The following CRTC1 variants were observed in gnomAD, a reference collection of about 807,000 sequenced individuals.
CRTC1 encodes the protein CREB-regulated transcription coactivator 1.
Under a neutral mutation model 66.1 loss-of-function variants are expected in CRTC1, and 18 were observed. The ratio of observed to expected loss-of-function variants is 0.27; its 90% CI spans 0.19 to 0.40. The LOEUF (loss-of-function observed/expected upper bound fraction) is 0.40. Ranked by LOEUF, CRTC1 falls within the 10% of genes least tolerant of loss-of-function variation. The probability of loss-of-function intolerance (pLI) is 1.00; values close to 1 mark genes in which losing one functional copy is unlikely to be tolerated. For synonymous variants in CRTC1, 416 were observed against 398.8 expected (o/e 1.04, Z -0.51); for missense variants, 669 against 887.9 (o/e 0.75, Z 3.13).
In CRTC1 at chr19:18,745,918, C is replaced by T; in HGVS notation, c.339C>T (p.Ser113=). Residue 113 remains serine (S), a synonymous_variant, in exon 3 of 14, where the codon TCC becomes TCT. Transcript: ENST00000321949. ...ACCGGGAGCGTGGCCGGCTCGGCTC[C>T]CCACACCGCCGGCCCCTGTCAGTGG... is the stretch of plus-strand genomic sequence containing the variant. The part of the protein sequence containing the change: ...RVYRERGRLG[S]PHRRPLSVDK... The T allele has an allele frequency of 6.2e-7, 1 of 1,612,890 alleles. No homozygotes were observed. The highest frequency in any genetic ancestry group is 8.5e-7 in the Non-Finnish European group (1 of 1,179,652).
chr19:18,715,849 G>C (rs34439163), intron 1 of CRTC1, among the ~76,000 whole-genome samples: 19,552 of 152,216 alleles, frequency 0.13, 1,379 homozygotes, highest in Non-Finnish European at 0.15. Context: ...CCCTGCTCAG[G>C]GCTGCATCCT....
chr19:18,726,214 G>T (rs1210996407), intron 1 of CRTC1, among the ~76,000 whole-genome samples: 1 of 152,276 alleles, frequency 6.6e-6, no homozygotes, highest in East Asian at 1.9e-4. Flanking sequence ...GCACTCGGCG[G>T]ACGCTGCCAA....
At chr19:18,769,345 T>C (rs925541716) in intron 10 of CRTC1, among the ~76,000 whole-genome samples, 1 of 152,238 alleles carries the variant, frequency 6.6e-6, no homozygotes, top group Non-Finnish European at 1.5e-5. Context: ...CCTTCCTGAC[T>C]GTCCAGACCA....
Position 18,686,875 on chromosome 19 carries a change from C to G in CRTC1, c.126+3047C>G, listed in dbSNP as rs145378851. ...GATGTCTGGAGACATTTTGGGTCAT[C>G]ATGATTAGGGAGTGCTTCTAGCATC... On this transcript the variant is annotated intron_variant, in intron 1 of 13. Transcript: ENST00000321949. Among the ~76,000 whole-genome samples, 105 of 152,156 alleles carry G rather than the reference C, an allele frequency of 6.9e-4. 1 individual carries two copies. Among genetic ancestry groups the G allele is most frequent in the African/African-American group, 2.2e-3 (93 of 41,498 alleles).
intron 1 of CRTC1, among the ~76,000 whole-genome samples, chr19:18,706,181 T>A (rs12975435): frequency 8.8e-6 from 1 of 113,784 alleles, no homozygotes; most frequent in African/African-American, 3.3e-5. Context: ...ATTCCATTGG[T>A]CTTTTTTTTT....
At chr19:18,775,509 C>G in intron 12 of CRTC1, 132 bp from the exon 13 acceptor site, 1 of 810,042 alleles carries the variant, frequency 1.2e-6, no homozygotes, top group Non-Finnish European at 1.9e-6. Context: ...GCTTGGCAGC[C>G]TGGGTGCCGA....
chr19:18,756,001 G>A (rs1182683359), intron 6 of CRTC1, among the ~76,000 whole-genome samples: 1 of 152,044 alleles, frequency 6.6e-6, no homozygotes, highest in Non-Finnish European at 1.5e-5. Flanking sequence ...GGCACAAAGA[G>A]TCACTGAGAT....
chr19:18,764,623 C>G (rs1245868057), intron 8 of CRTC1, among the ~76,000 whole-genome samples: 2 of 152,138 alleles, frequency 1.3e-5, no homozygotes, highest in African/African-American at 2.4e-5. Flanking sequence ...GGCAGGACCT[C>G]CAGCAGGAAT....
At chr19:18,716,155 C>A (rs1462065943) in intron 1 of CRTC1, among the ~76,000 whole-genome samples, 2 of 152,124 alleles carry the variant, frequency 1.3e-5, no homozygotes, top group African/African-American at 4.8e-5. Flanking sequence ...GTGAGTGCAG[C>A]AGCCACAGCC....
chr19:18,736,710 A>AG (rs1049891490), intron 1 of CRTC1, among the ~76,000 whole-genome samples: 8 of 149,668 alleles, frequency 5.3e-5, no homozygotes, highest in South Asian at 2.1e-4. Context: ...AGAGGTGGAG[A>AG]GGGGGGGAAA....
intron 1 of CRTC1, among the ~76,000 whole-genome samples, chr19:18,691,233 G>C (rs2052827340): frequency 6.6e-6 from 1 of 151,424 alleles, no homozygotes; most frequent in African/African-American, 2.4e-5. Flanking sequence ...AGATGGAGGG[G>C]GACCAGGCAC....
At chr19:18,724,780 A>G (rs73537960) in intron 1 of CRTC1, among the ~76,000 whole-genome samples, 1,251 of 71,250 alleles carry the variant, frequency 0.018, 88 homozygotes, top group African/African-American at 0.069. Context: ...TCCCTTAATT[A>G]TGTCTGAAAA....
chr19:18,721,473 A>G (rs932510614), intron 1 of CRTC1, among the ~76,000 whole-genome samples: 31 of 144,374 alleles, frequency 2.1e-4, no homozygotes, highest in South Asian at 8.7e-4. Context: ...GATTACAGGC[A>G]TGAGCCACCA....
intron 1 of CRTC1, among the ~76,000 whole-genome samples, chr19:18,716,392 C>T (rs1362956197): frequency 1.3e-5 from 2 of 152,128 alleles, no homozygotes; most frequent in Non-Finnish European, 2.9e-5. Flanking sequence ...GCTGGGATTA[C>T]AGGCGTCTGC....
At chr19:18,742,236 T>A (rs1287807270) in intron 1 of CRTC1, among the ~76,000 whole-genome samples, 1 of 152,062 alleles carries the variant, frequency 6.6e-6, no homozygotes. Context: ...TGGCCCCTGG[T>A]TCTGTGCCCC....
chr19:18,688,737 C>T (rs1032075836), intron 1 of CRTC1, among the ~76,000 whole-genome samples: 3 of 152,058 alleles, frequency 2.0e-5, no homozygotes, highest in Admixed American at 1.3e-4. Flanking sequence ...GGCGCCTGGC[C>T]CCGCTTGTTT....
rs745635883 is a variant in CRTC1, at chr19:18,763,751, T to C, written c.887-1653T>C. On this transcript the variant is annotated intron_variant, in intron 8 of 13. Coordinates refer to ENST00000321949, the MANE Select transcript of CRTC1 (RefSeq NM_015321.3). Reference sequence around the variant, plus strand: ...GTTTGCCTCAGGCCCCACCCGCCCCTGTCGTCCCACATCCATACCCTCACA... The same window carrying C: ...GTTTGCCTCAGGCCCCACCCGCCCCCGTCGTCCCACATCCATACCCTCACA... Among the ~76,000 whole-genome samples the C allele has an allele frequency of 1.6e-4, 25 of 152,066 alleles. 1 individual carries two copies. Among genetic ancestry groups the C allele is most frequent in the Non-Finnish European group, 2.8e-4 (19 of 68,016 alleles).
At chr19:18,750,491 C>T (rs2054339452) in intron 5 of CRTC1, among the ~76,000 whole-genome samples, 1 of 152,190 alleles carries the variant, frequency 6.6e-6, no homozygotes, top group Non-Finnish European at 1.5e-5. Flanking sequence ...GAGGCGGCAC[C>T]CTGGGAACCT....
intron 1 of CRTC1, among the ~76,000 whole-genome samples, chr19:18,685,487 T>A (rs2052665802): frequency 6.6e-6 from 1 of 152,118 alleles, no homozygotes; most frequent in Non-Finnish European, 1.5e-5. Flanking sequence ...TGAAACCCTG[T>A]CTGTACTAAA....
Sources: allele counts gnomAD v4.1 joint callset (sites outside exome capture counted in the v4.1 genomes callset), GRCh38; gene constraint gnomAD v4.1.1; transcripts MANE v1.5; gene names NCBI Gene and HGNC (gene_info 2026-07-23, HGNC 2026-07-21).